Variants in ATXN8OS observed in about 807,000 individuals in gnomAD.
The protein encoded by ATXN8OS is ATXN8 opposite strand lncRNA.
upstream of ATXN8OS, chr13:70,107,649 GAGT>G: frequency 1.3e-6 from 2 of 1,551,342 alleles, no homozygotes; most frequent in Non-Finnish European, 8.7e-7. Flanking sequence ...GTTTCCAGCG[GAGT>G]CGCAGAATGT....
At chr13:70,112,239 T>C (rs1888206864) in intron 1 of ATXN8OS, among the ~76,000 whole-genome samples, 1 of 152,132 alleles carries the variant, frequency 6.6e-6, no homozygotes, top group Non-Finnish European at 1.5e-5. Context: ...CACACTAGGA[T>C]CCTACTCTAG....
upstream of ATXN8OS, chr13:70,107,434 A>AAGGAAGAGG (rs1272833513): frequency 1.2e-6 from 2 of 1,611,194 alleles, no homozygotes; most frequent in Non-Finnish European, 1.7e-6. Context: ...CAGCGGATTG[A>AAGGAAGAGG]AGGAAGAGGA....
chr13:70,128,967 T>A (rs956801306), intron 2 of ATXN8OS, among the ~76,000 whole-genome samples: 21 of 152,054 alleles, frequency 1.4e-4, no homozygotes, highest in African/African-American at 5.1e-4. Flanking sequence ...TTCAAGCGAT[T>A]CTCCTGCCTC....
chr13:70,114,191 G>A (rs761461347), intron 1 of ATXN8OS, among the ~76,000 whole-genome samples: 6 of 152,122 alleles, frequency 3.9e-5, no homozygotes, highest in Non-Finnish European at 8.8e-5. Flanking sequence ...CAGTCAGGAT[G>A]CTTTTGGCTC....
At chr13:70,162,266 G>A (rs577201318) in intron 4 of ATXN8OS, among the ~76,000 whole-genome samples, 9 of 152,142 alleles carry the variant, frequency 5.9e-5, no homozygotes, top group Non-Finnish European at 8.8e-5. Flanking sequence ...AACAGACAAC[G>A]TATAGGAAAC....
chr13:70,109,425 GCATAGGAATCAA>G (rs1168848528), intron 1 of ATXN8OS, among the ~76,000 whole-genome samples: 1 of 152,148 alleles, frequency 6.6e-6, no homozygotes, highest in African/African-American at 2.4e-5. Context: ...CCCCAACAGA[GCATAGGAATCAA>G]CCACTGAAGT....
intron 4 of ATXN8OS, among the ~76,000 whole-genome samples, chr13:70,162,535 T>G (rs568964256): frequency 6.6e-6 from 1 of 152,140 alleles, no homozygotes; most frequent in African/African-American, 2.4e-5. Flanking sequence ...GCTAGTTTCC[T>G]GATGAAAAAT....
At chr13:70,122,682 C>CA (rs1216491048) in intron 2 of ATXN8OS, among the ~76,000 whole-genome samples, 1 of 151,770 alleles carries the variant, frequency 6.6e-6, no homozygotes, top group East Asian at 1.9e-4. Flanking sequence ...AGGATTCTTT[C>CA]AAAACAGTTT....
At chr13:70,153,014 CTGTGTGTGTGTGTGTGTG>C (rs66574752) in intron 4 of ATXN8OS, among the ~76,000 whole-genome samples, 12 of 141,804 alleles carry the variant, frequency 8.5e-5, no homozygotes, top group East Asian at 2.1e-4. Flanking sequence ...TAAGAAAAAA[CTGTGTGTGTGTGTGTGTG>C]TGTGTGTGTG....
intron 2 of ATXN8OS, among the ~76,000 whole-genome samples, chr13:70,128,404 T>C (rs999247992): frequency 6.6e-6 from 1 of 152,162 alleles, no homozygotes; most frequent in Admixed American, 6.5e-5. Flanking sequence ...ATTTTCTTTC[T>C]TCACTTAACT....
chr13:70,139,254 A>G (rs1312968882), intron 3 of ATXN8OS: 1 of 455,702 alleles, frequency 2.2e-6, no homozygotes, highest in Non-Finnish European at 3.9e-6. Flanking sequence ...GCCTTTTCTG[A>G]CTCCCAGCTT....
intron 3 of ATXN8OS, among the ~76,000 whole-genome samples, chr13:70,134,906 A>C (rs1888588782): frequency 6.6e-6 from 1 of 152,186 alleles, no homozygotes; most frequent in Admixed American, 6.5e-5. Flanking sequence ...TTGAGTCTGA[A>C]ACGGGAAAAG....
chr13:70,140,527 C>G (rs1257138945), intron 3 of ATXN8OS, among the ~76,000 whole-genome samples: 1 of 31,604 alleles, frequency 3.2e-5, no homozygotes, highest in Non-Finnish European at 7.9e-5. Flanking sequence ...ATAACACACA[C>G]ACACACAAAA....
chr13:70,150,087 A>T (rs1280380202), intron 4 of ATXN8OS, among the ~76,000 whole-genome samples: 3 of 152,126 alleles, frequency 2.0e-5, no homozygotes, highest in Non-Finnish European at 4.4e-5. Flanking sequence ...ACAGAGAAAA[A>T]GGGACACTTT....
intron 3 of ATXN8OS, among the ~76,000 whole-genome samples, chr13:70,144,851 T>C (rs928453304): frequency 1.3e-5 from 2 of 152,130 alleles, no homozygotes; most frequent in African/African-American, 2.4e-5. Context: ...CTGTGATACA[T>C]TTAGATTTAT....
intron 1 of ATXN8OS, among the ~76,000 whole-genome samples, chr13:70,110,233 T>C (rs891952786): frequency 6.6e-6 from 1 of 152,134 alleles, no homozygotes; most frequent in African/African-American, 2.4e-5. Flanking sequence ...ACATTTAGTA[T>C]GTTTAAAGCA....
exon 5 of ATXN8OS, among the ~76,000 whole-genome samples, chr13:70,170,188 G>C (rs1290364011): frequency 3.3e-5 from 5 of 151,834 alleles, no homozygotes; most frequent in African/African-American, 9.7e-5. Context: ...TTTCCTCTTT[G>C]GCCATTTATC....
intron 2 of ATXN8OS, among the ~76,000 whole-genome samples, chr13:70,120,544 G>A (rs1888344610): frequency 1.3e-5 from 2 of 152,162 alleles, no homozygotes; most frequent in South Asian, 2.1e-4. Context: ...ATATAACCAT[G>A]CACTATAAAG....
At chr13:70,130,904 T>C (rs2043653175) in intron 3 of ATXN8OS, 3 of 398,468 alleles carry the variant, frequency 7.5e-6, no homozygotes, top group Admixed American at 4.4e-5. Flanking sequence ...AGAGATAGTA[T>C]AGATAAATCT....
Sources: gnomAD v4.1 joint callset for allele counts (sites outside exome capture counted in the v4.1 genomes callset) on GRCh38, gnomAD v4.1.1 for gene constraint, MANE v1.5 for transcripts, NCBI Gene and HGNC (gene_info 2026-07-23, HGNC 2026-07-21) for gene names.